DLGAP1: variants seen among roughly 807,000 people sequenced by gnomAD.
DLGAP1 encodes the protein disks large-associated protein 1.
DLGAP1 carries 11 observed loss-of-function variants against 90.8 expected under a neutral mutation model. The observed-to-expected ratio is 0.12, with a 90% CI of 0.08 to 0.20. The LOEUF is 0.20. DLGAP1 is among the 10% of genes least tolerant of loss of function. DLGAP1 has a pLI of 1.00. For synonymous variants in DLGAP1, 558 were observed against 540.7 expected (o/e 1.03, Z -0.44); for missense variants, 1,050 against 1,333.8 (o/e 0.79, Z 3.31).
At chr18:4,320,526 T>C (rs1782794619) in intron 1 of DLGAP1, among the ~76,000 whole-genome samples, 1 of 152,090 alleles carries the variant, frequency 6.6e-6, no homozygotes. Context: ...GGGAGGCAAA[T>C]ACAGAAAGCC....
At chr18:4,018,806 C>T (rs180787243) in intron 2 of DLGAP1, among the ~76,000 whole-genome samples, 16 of 152,236 alleles carry the variant, frequency 1.1e-4, no homozygotes, top group East Asian at 3.9e-4. Flanking sequence ...TTTAATTATT[C>T]GAATTCTGAA....
intron 7 of DLGAP1, among the ~76,000 whole-genome samples, chr18:3,611,086 C>T (rs529684057): frequency 1.5e-3 from 229 of 151,402 alleles, no homozygotes; most frequent in Non-Finnish European, 2.0e-3. Flanking sequence ...GAGCTATGAT[C>T]GCACCACTGC....
chr18:4,301,255 C>T (rs2143265127), intron 1 of DLGAP1, among the ~76,000 whole-genome samples: 1 of 152,266 alleles, frequency 6.6e-6, no homozygotes, highest in African/African-American at 2.4e-5. Context: ...TCCTATCTAA[C>T]TGAGGCTTTG....
Position 3,653,936 on chromosome 18 carries a change from TC to T in DLGAP1, c.1592-71689del, listed in dbSNP as rs1233174782. 2.0e-5 allele frequency: 3 copies of T among 150,166 alleles called. No individual in the cohort carries two copies. In the East Asian group the frequency reaches 5.9e-4, roughly 29 times the overall value. The allele number at this position is 150,166 out of a possible 1,614,324, so 9.3% of individuals were successfully genotyped here. Reference sequence around the variant, plus strand: ...GGCCGACCATCTGAGGTTTGATTTCTCATCAAGAGATAGTGTCCGACACACG... The same window carrying T: ...GGCCGACCATCTGAGGTTTGATTTCTATCAAGAGATAGTGTCCGACACACG... On this transcript the variant is annotated intron_variant, in intron 7 of 12. Transcript: ENST00000315677. The surrounding 1 kb of genome is among the most constrained non-coding windows in gnomAD (Gnocchi z 4.6).
chr18:4,094,546 T>C (rs1026856040), intron 2 of DLGAP1, among the ~76,000 whole-genome samples: 1 of 151,870 alleles, frequency 6.6e-6, no homozygotes, highest in African/African-American at 2.4e-5. Flanking sequence ...TAAATTCAGT[T>C]TTTATATTTA....
rs1161245616 is a variant in DLGAP1, at chr18:3,754,723, C to CAAA, written c.1173-12214_1173-12212dup. On this transcript the variant is annotated intron_variant, in intron 5 of 12. Transcript: ENST00000315677. ...GGTGAAACCCGTCTCTACTAAAATA[C>CAAA]AAAAAAAAAAAAAAAAAAAAAAATT... Among the ~76,000 whole-genome samples, 283 of 58,750 alleles carry CAAA rather than the reference C, an allele frequency of 4.8e-3. 3 individuals are homozygous for CAAA. The highest frequency in any genetic ancestry group is 0.014 in the African/African-American group (256 of 18,930). The allele number at this position is 58,750 out of a possible 152,430, so 38.5% of individuals were successfully genotyped here.
At chr18:4,133,010 T>A (rs1405985342) in intron 2 of DLGAP1, among the ~76,000 whole-genome samples, 1 of 152,172 alleles carries the variant, frequency 6.6e-6, no homozygotes, top group Non-Finnish European at 1.5e-5. Context: ...TGAGACTTAC[T>A]TTCTTCATCT....
chr18:3,540,469 C>CAAAAAAA lies in DLGAP1; in HGVS notation c.2058-5861_2058-5855dup, dbSNP rs60740209. Among the ~76,000 whole-genome samples, 19 of 58,016 alleles carry CAAAAAAA rather than the reference C, an allele frequency of 3.3e-4. 1 individual carries two copies. Among genetic ancestry groups the CAAAAAAA allele is most frequent in the African/African-American group, 1.1e-3 (16 of 14,808 alleles). The allele number at this position is 58,016 out of a possible 152,430, so 38.1% of individuals were successfully genotyped here. On this transcript the variant is annotated intron_variant, in intron 9 of 12. Coordinates refer to ENST00000315677, the MANE Select transcript of DLGAP1 (RefSeq NM_004746.4). The stretch of plus-strand genomic sequence containing the variant: ...TGGGCAACAGAGTGAGGCCCTGTGT[C>CAAAAAAA]AAAAAAAAAAAAAAAAAAAAAAAAA...
At chr18:3,742,552 C>G in intron 5 of DLGAP1, 40 bp from the exon 6 acceptor site, 1 of 1,606,922 alleles carries the variant, frequency 6.2e-7, no homozygotes, top group Non-Finnish European at 8.5e-7. Flanking sequence ...AGTCACATTC[C>G]AAAATGCAGG....
In DLGAP1 at chr18:4,087,081, A is replaced by G. The variant is rs1299561053; in HGVS notation, c.-159+64099T>C. On this transcript the variant is annotated intron_variant, in intron 2 of 12. Transcript: ENST00000315677. ...TATATACACACACTTATATATACAT[A>G]TATGTATATATGTATATATGTGCTA... Among the ~76,000 whole-genome samples the G allele has an allele frequency of 2.4e-5, 2 of 84,066 alleles. 1 individual carries two copies. Among genetic ancestry groups the G allele is most frequent in the Non-Finnish European group, 5.7e-5 (2 of 34,904 alleles). 55.2% of individuals were successfully genotyped at this position (84,066 alleles called of 152,430 possible).
At chr18:3,805,127 CAT>C (rs1382301784) in intron 5 of DLGAP1, among the ~76,000 whole-genome samples, 1 of 152,222 alleles carries the variant, frequency 6.6e-6, no homozygotes, top group African/African-American at 2.4e-5. Flanking sequence ...CGATAGCTAA[CAT>C]ATGTGGAGCA....
intron 5 of DLGAP1, among the ~76,000 whole-genome samples, chr18:3,794,662 C>T (rs565468944): frequency 3.3e-5 from 5 of 152,330 alleles, no homozygotes; most frequent in Admixed American, 1.3e-4. Flanking sequence ...TGGGACCATA[C>T]GTAGCCACAA....
chr18:3,864,501 T>C (rs1474279163), intron 4 of DLGAP1, among the ~76,000 whole-genome samples: 5 of 152,194 alleles, frequency 3.3e-5, no homozygotes, highest in African/African-American at 1.2e-4. Context: ...TAACTTCATC[T>C]GGGCTTAAAC....
chr18:4,016,510 T>C (rs1186450253), intron 2 of DLGAP1, among the ~76,000 whole-genome samples: 4 of 152,204 alleles, frequency 2.6e-5, no homozygotes, highest in Admixed American at 2.6e-4. Context: ...AGATTACCCT[T>C]GGGGAAGTTT....
intron 4 of DLGAP1, among the ~76,000 whole-genome samples, chr18:3,852,353 A>G (rs138102490): frequency 1.2e-3 from 185 of 152,340 alleles, no homozygotes; most frequent in African/African-American, 4.2e-3. Context: ...AGAAATATCT[A>G]ACCTCAGCAA....
intron 3 of DLGAP1, among the ~76,000 whole-genome samples, chr18:3,950,590 AAATGAGTGAATG>A (rs1351766313): frequency 6.6e-6 from 1 of 152,236 alleles, no homozygotes; most frequent in Non-Finnish European, 1.5e-5. Flanking sequence ...CAAACCAGTC[AAATGAGTGAATG>A]AATGAATGAA....
At chr18:4,053,807 C>T (rs1015800740) in intron 2 of DLGAP1, among the ~76,000 whole-genome samples, 1 of 152,290 alleles carries the variant, frequency 6.6e-6, no homozygotes, top group East Asian at 1.9e-4. Context: ...TGGACTAATA[C>T]ACCTTGTTTC....
intron 7 of DLGAP1, among the ~76,000 whole-genome samples, chr18:3,599,412 C>T (rs913901756): frequency 1.3e-5 from 2 of 152,170 alleles, no homozygotes; most frequent in African/African-American, 4.8e-5. Context: ...CATCACCGCA[C>T]TGTAAATAGT....
In DLGAP1 at chr18:4,128,765, C is replaced by T. The variant is rs370284801; in HGVS notation, c.-159+22415G>A. ...ACATTTACCAATGGAGAGAAAAATA[C>T]ATGCCCAAGATGAGAGTGAACGACA... On this transcript the variant is annotated intron_variant, in intron 2 of 12. Transcript: ENST00000315677. 1.2e-4 allele frequency among the ~76,000 whole-genome samples: 18 copies of T among 152,254 alleles called. 3 individuals carry two copies. The highest frequency in any genetic ancestry group is 7.2e-5 in the African/African-American group (3 of 41,572).
Sources: allele counts gnomAD v4.1 joint callset (sites outside exome capture counted in the v4.1 genomes callset), GRCh38; gene constraint gnomAD v4.1.1; non-coding constraint Gnocchi (gnomAD v3.1); transcripts MANE v1.5; gene names NCBI Gene and HGNC (gene_info 2026-07-23, HGNC 2026-07-21).